Variants in PCGF5 observed in about 807,000 individuals in gnomAD.
PCGF5 encodes polycomb group ring finger 5.
Under a neutral mutation model 44.3 loss-of-function variants are expected in PCGF5, and 9 were observed. The ratio of observed to expected loss-of-function variants is 0.20; its 90% CI spans 0.12 to 0.35. PCGF5 has a LOEUF of 0.35. Among genes scored for constraint, PCGF5 ranks in the 10% least tolerant of loss-of-function variants. The pLI is 1.00. For synonymous variants in PCGF5, 95 were observed against 102.5 expected, an observed-to-expected ratio of 0.93 and a Z score of 0.44; for missense variants, 146 against 305.3, an observed-to-expected ratio of 0.48 and a Z score of 3.89.
chr10:91,194,478 A>G (rs963559533), intron 1 of PCGF5, among the ~76,000 whole-genome samples: 1 of 152,228 alleles, frequency 6.6e-6, no homozygotes, highest in African/African-American at 2.4e-5. Context: ...ATTCTCCCCT[A>G]TAACCTCAAG....
At chr10:91,162,737 G>A (rs1229118067), upstream of PCGF5, among the ~76,000 whole-genome samples, 11 of 151,474 alleles carry the variant, frequency 7.3e-5, no homozygotes, top group East Asian at 2.0e-3. Flanking sequence ...GAGGCCTGGC[G>A]GGCGGCGGCG....
At position 91,225,628 on chromosome 10, in the gene PCGF5, G is replaced by T. The variant is rs138006904; in HGVS notation, c.112+2645G>T. On this transcript the variant is annotated intron_variant, in intron 2 of 9. Coordinates refer to ENST00000336126, the MANE Select transcript of PCGF5 (RefSeq NM_032373.5). ...AGGTCCTTTGATTTCTGTATTGTTT[G>T]TTTGTATTTATATTGAAGCTTATAG... Among the ~76,000 whole-genome samples, 4 of 151,798 alleles carry T rather than the reference G, an allele frequency of 2.6e-5. No individual in the cohort carries two copies. In the East Asian group the frequency reaches 7.7e-4, roughly 29 times the overall value.
In PCGF5 at chr10:91,279,552, G is replaced by A. The variant is rs898642697; in HGVS notation, c.*1236G>A. 6 of 152,124 alleles carry A rather than the reference G, an allele frequency of 3.9e-5. No individual in the cohort carries two copies. Among genetic ancestry groups the A allele is most frequent in the East Asian group, 3.9e-4 (2 of 5,170 alleles). 9.4% of individuals were successfully genotyped at this position (152,124 alleles called of 1,614,324 possible). A position where few individuals can be genotyped will look rare whatever the true frequency, so the allele number is the denominator to read the frequency against. ...TGCAGTTTTGTTAAGTCTTCCATTCGTTTTAGGATTAGTCTGCAAGTCAAA... is the reference window on the plus strand; with the variant it reads ...TGCAGTTTTGTTAAGTCTTCCATTCATTTTAGGATTAGTCTGCAAGTCAAA... On this transcript the variant is annotated 3_prime_UTR_variant, in exon 10 of 10. Transcript: ENST00000336126.
At chr10:91,260,617 A>C (rs1589404217) in intron 6 of PCGF5, among the ~76,000 whole-genome samples, 1 of 152,150 alleles carries the variant, frequency 6.6e-6, no homozygotes, top group African/African-American at 2.4e-5. Context: ...ACACCATGGA[A>C]TACTATGCAG....
chr10:91,209,914 C>T (rs904482259), intron 1 of PCGF5, among the ~76,000 whole-genome samples: 2 of 152,166 alleles, frequency 1.3e-5, no homozygotes, highest in Non-Finnish European at 2.9e-5. Context: ...ATGCACGTGT[C>T]AACTCAATGA....
chr10:91,161,463 C>T (rs1843381206), upstream of PCGF5, among the ~76,000 whole-genome samples: 1 of 151,868 alleles, frequency 6.6e-6, no homozygotes, highest in Non-Finnish European at 1.5e-5. Context: ...GACAAACCCA[C>T]ACTACCTAAC....
At chr10:91,186,352 A>G (rs1051140745) in intron 1 of PCGF5, among the ~76,000 whole-genome samples, 20 of 152,120 alleles carry the variant, frequency 1.3e-4, no homozygotes, top group Non-Finnish European at 2.6e-4. Flanking sequence ...CTATGGCGAG[A>G]ATTCTTAGGT....
At chr10:91,188,844 A>G (rs775975913) in intron 1 of PCGF5, among the ~76,000 whole-genome samples, 16 of 152,306 alleles carry the variant, frequency 1.1e-4, no homozygotes, top group South Asian at 4.1e-4. Flanking sequence ...TCATTTCCCT[A>G]GATAGCAGTT....
chr10:91,234,592 G>A (rs1845101671), intron 2 of PCGF5, among the ~76,000 whole-genome samples: 1 of 152,142 alleles, frequency 6.6e-6, no homozygotes, highest in Non-Finnish European at 1.5e-5. Flanking sequence ...TTTATGATTA[G>A]TGCATCAAAC....
At chr10:91,231,928 G>A (rs770108362) in intron 2 of PCGF5, among the ~76,000 whole-genome samples, 4 of 152,224 alleles carry the variant, frequency 2.6e-5, no homozygotes, top group East Asian at 3.9e-4. Context: ...AAAAGAAAAC[G>A]GAATGTAAGT....
intron 5 of PCGF5, among the ~76,000 whole-genome samples, chr10:91,250,410 A>G (rs984451084): frequency 2.0e-5 from 3 of 150,050 alleles, no homozygotes; most frequent in Non-Finnish European, 3.0e-5. Context: ...TCCCTGCTTC[A>G]CTCCCAAAGT....
chr10:91,160,352 G>T (rs1030863907), upstream of PCGF5, among the ~76,000 whole-genome samples: 1 of 152,220 alleles, frequency 6.6e-6, no homozygotes. Flanking sequence ...GTACAGGAAA[G>T]GTAAGAGAAC....
At chr10:91,248,634 T>G in intron 4 of PCGF5, 31 bp from the exon 5 acceptor site, 1 of 1,599,744 alleles carries the variant, frequency 6.3e-7, no homozygotes, top group Non-Finnish European at 8.6e-7. Context: ...ATTTCATGAC[T>G]TTTACTTTTA....
At chr10:91,183,058 A>G (rs1843851612) in intron 1 of PCGF5, among the ~76,000 whole-genome samples, 1 of 152,172 alleles carries the variant, frequency 6.6e-6, no homozygotes, top group African/African-American at 2.4e-5. Context: ...TTTTAAGAGT[A>G]CATGTTTTGT....
At chr10:91,242,452 A>G (rs1001679019) in intron 3 of PCGF5, among the ~76,000 whole-genome samples, 2 of 152,248 alleles carry the variant, frequency 1.3e-5, no homozygotes, top group African/African-American at 4.8e-5. Context: ...ACAGTTAATA[A>G]TTATTACCCT....
chr10:91,169,399 A>G (rs1196881638), intron 1 of PCGF5, among the ~76,000 whole-genome samples: 1 of 152,254 alleles, frequency 6.6e-6, no homozygotes, highest in Non-Finnish European at 1.5e-5. Context: ...CAACAACAAA[A>G]AAACCTCCTG....
chr10:91,207,684 C>G (rs1844372103), intron 1 of PCGF5, among the ~76,000 whole-genome samples: 1 of 152,158 alleles, frequency 6.6e-6, no homozygotes, highest in Admixed American at 6.5e-5. Context: ...TATCAAATTT[C>G]TTTAATCTTT....
chr10:91,200,985 A>G (rs1455869683), intron 1 of PCGF5, among the ~76,000 whole-genome samples: 1 of 152,152 alleles, frequency 6.6e-6, no homozygotes, highest in African/African-American at 2.4e-5. Flanking sequence ...TTGGGCAAGC[A>G]CAAGATTCAA....
chr10:91,171,866 A>C (rs1178221767), intron 1 of PCGF5, among the ~76,000 whole-genome samples: 1 of 152,174 alleles, frequency 6.6e-6, no homozygotes, highest in Non-Finnish European at 1.5e-5. Context: ...TTCGGGAACT[A>C]TGAGGCCAAA....
Sources: allele counts gnomAD v4.1 joint callset (sites outside exome capture counted in the v4.1 genomes callset), GRCh38; gene constraint gnomAD v4.1.1; transcripts MANE v1.5; gene names NCBI Gene and HGNC (gene_info 2026-07-23, HGNC 2026-07-21).